The following MYO18B variants were observed in gnomAD, a reference collection of about 807,000 sequenced individuals.
MYO18B encodes unconventional myosin-XVIIIb.
Under a neutral mutation model 273.0 loss-of-function variants are expected in MYO18B, and 204 were observed. The ratio of observed to expected loss-of-function variants is 0.75; its 90% CI spans 0.67 to 0.84. MYO18B has a LOEUF of 0.84. MYO18B is among the 40% of genes least tolerant of loss of function. MYO18B has a pLI of 0.00. For missense variants in MYO18B, 3,212 were observed against 3,287.6 expected (o/e 0.98, Z 0.56); for synonymous variants, 1,330 against 1,305.7 (o/e 1.02, Z -0.40).
chr22:25,907,348 T>C (rs1456023716), intron 31 of MYO18B, among the ~76,000 whole-genome samples: 1 of 152,246 alleles, frequency 6.6e-6, no homozygotes, highest in Non-Finnish European at 1.5e-5. Flanking sequence ...GCATGTGTTT[T>C]GGAGGTTCTT....
chr22:26,021,579 T>C (rs1317530178), intron 42 of MYO18B, among the ~76,000 whole-genome samples: 1 of 152,220 alleles, frequency 6.6e-6, no homozygotes, highest in African/African-American at 2.4e-5. Flanking sequence ...GTGAATACAA[T>C]AGATAAAAAT....
chr22:26,016,186 A>T (rs141279111), intron 42 of MYO18B, among the ~76,000 whole-genome samples: 1 of 152,364 alleles, frequency 6.6e-6, no homozygotes, highest in East Asian at 1.9e-4. Flanking sequence ...TGAATCTACA[A>T]GCCAAGTAGA....
rs2092626274 is a variant in MYO18B at position 25,940,090 on chromosome 22, CAATG to C, written c.5518-6044_5518-6041del. 2.0e-5 allele frequency among the ~76,000 whole-genome samples: 3 copies of C among 152,206 alleles called. No individual in the cohort carries two copies. In the South Asian group the frequency reaches 6.2e-4, roughly 32 times the overall value. ...TACAGCTGTACTCAGCAGTCCTACTCAATGAACGCAAATCATTTTGTCCCCCATT... is the reference window on the plus strand; with the variant it reads ...TACAGCTGTACTCAGCAGTCCTACTCAACGCAAATCATTTTGTCCCCCATT... On this transcript the variant is annotated intron_variant, in intron 34 of 43. Transcript: ENST00000335473.
chr22:26,049,412 T>C, the MYO18B span, among the ~76,000 whole-genome samples: 1 of 152,244 alleles, frequency 6.6e-6, no homozygotes, highest in Admixed American at 6.5e-5. Context: ...ATACTTTTTG[T>C]AACAGCCTAG....
intron 1 of MYO18B, among the ~76,000 whole-genome samples, chr22:25,747,683 G>A (rs1470022086): frequency 6.6e-6 from 1 of 152,210 alleles, no homozygotes; most frequent in African/African-American, 2.4e-5. Context: ...GGCAGGGTGG[G>A]GTGAGGCTAC....
chr22:25,926,815 GA>G (rs1209935908), intron 34 of MYO18B, among the ~76,000 whole-genome samples: 1 of 152,160 alleles, frequency 6.6e-6, no homozygotes, highest in Admixed American at 6.5e-5. Context: ...TTTGTTGTGG[GA>G]AATCAGGGAC....
At chr22:25,861,862 T>C (rs1288178195) in intron 21 of MYO18B, among the ~76,000 whole-genome samples, 3 of 152,192 alleles carry the variant, frequency 2.0e-5, no homozygotes, top group Non-Finnish European at 2.9e-5. Flanking sequence ...TGGGAAAATA[T>C]AGAACCTTTG....
intron 39 of MYO18B, among the ~76,000 whole-genome samples, chr22:25,972,232 G>A (rs2093043189): frequency 6.6e-6 from 1 of 151,788 alleles, no homozygotes; most frequent in East Asian, 1.9e-4. Context: ...ATATACATAG[G>A]AAAAGTGTGA....
rs2092433601 is a variant in MYO18B, at chr22:25,927,190, A to G, written c.5517+5781A>G. On this transcript the variant is annotated intron_variant, in intron 34 of 43. Transcript: ENST00000335473. The stretch of plus-strand genomic sequence containing the variant: ...CAGGATAACAGCAATTGTTCAGGGA[A>G]TAAGAGAGATAACCTTAAACTCTGA... Among the ~76,000 whole-genome samples, 4 of 152,254 alleles carry G rather than the reference A, an allele frequency of 2.6e-5. No homozygotes were observed. In the South Asian group the frequency reaches 6.2e-4, roughly 24 times the overall value.
intron 39 of MYO18B, among the ~76,000 whole-genome samples, chr22:25,988,592 G>A (rs1319048588): frequency 6.6e-6 from 1 of 152,036 alleles, no homozygotes; most frequent in African/African-American, 2.4e-5. Context: ...TCTTTTCTAT[G>A]TAGGATAGTG....
At chr22:25,893,023 C>G (rs1214002968) in intron 27 of MYO18B, among the ~76,000 whole-genome samples, 1 of 152,192 alleles carries the variant, frequency 6.6e-6, no homozygotes, top group Non-Finnish European at 1.5e-5. Flanking sequence ...TATAGGCTCT[C>G]AGCTCTGGAT....
At chr22:25,876,494 C>T (rs897559285) in intron 24 of MYO18B, among the ~76,000 whole-genome samples, 162 bp downstream of exon 24, 3 of 152,154 alleles carry the variant, frequency 2.0e-5, no homozygotes, top group Admixed American at 6.5e-5. Flanking sequence ...CTGCCTCCAA[C>T]AACACAGACA....
chr22:25,821,797 A>G (rs1395713468), intron 12 of MYO18B, among the ~76,000 whole-genome samples: 1 of 152,106 alleles, frequency 6.6e-6, no homozygotes, highest in Non-Finnish European at 1.5e-5. Context: ...GAACAAAACA[A>G]AACAAACAAA....
In MYO18B at chr22:25,828,944, C is replaced by T. The variant is rs1465756028; in HGVS notation, c.2955C>T (p.Val985=). The T allele has an allele frequency of 6.2e-7, 1 of 1,614,006 alleles. No individual in the cohort carries two copies. Among genetic ancestry groups the T allele is most frequent in the South Asian group, 1.1e-5 (1 of 91,078 alleles). ...TGCTGTTCTACCAGCGGACCTTTGT[C>T]TCCACGCTACAGCGATATCAAGAGG... is the stretch of plus-strand genomic sequence containing the variant. ...LQLLFYQRTF[V]STLQRYQEEG... The change falls in exon 15 of 44, where the codon GTC becomes GTT. Residue 985 remains valine, a synonymous_variant. Transcript: ENST00000335473.
chr22:25,776,529 G>A (rs561521938), intron 7 of MYO18B, among the ~76,000 whole-genome samples: 39 of 152,280 alleles, frequency 2.6e-4, no homozygotes, highest in African/African-American at 8.9e-4. Flanking sequence ...CCTGGGAGGT[G>A]GAGGTTGCAG....
At chr22:25,886,012 T>C (rs1030910383) in intron 25 of MYO18B, among the ~76,000 whole-genome samples, 9 of 152,262 alleles carry the variant, frequency 5.9e-5, no homozygotes, top group Non-Finnish European at 1.2e-4. Context: ...CCCGTATTCA[T>C]TGAGTCCTCA....
intron 11 of MYO18B, among the ~76,000 whole-genome samples, chr22:25,793,972 C>T (rs1210944706): frequency 9.2e-5 from 14 of 151,816 alleles, no homozygotes; most frequent in Middle Eastern, 3.4e-3. Flanking sequence ...CTTGCTCTGT[C>T]GCCCAGGCTG....
At chr22:25,850,895 G>A (rs1274274712) in intron 20 of MYO18B, among the ~76,000 whole-genome samples, 1 of 152,150 alleles carries the variant, frequency 6.6e-6, no homozygotes, top group Non-Finnish European at 1.5e-5. Flanking sequence ...TGAATCTAAT[G>A]TCATTTTCTC....
In MYO18B at chr22:25,781,981, G is replaced by C. The variant is rs1601677668; in HGVS notation, c.2312+147G>C. ...CATGGCGTCCGATTCCAGCTGTCTG[G>C]GTACACGCAGCTCATGGGCTGGGTG... On this transcript the variant is annotated intron_variant, in intron 10 of 43. Transcript: ENST00000335473. The C allele has an allele frequency of 5.4e-6, 3 of 550,638 alleles. No homozygotes were observed. In the East Asian group the frequency reaches 9.9e-5, roughly 18 times the overall value. The allele number at this position is 550,638 out of a possible 1,614,324, so 34.1% of individuals were successfully genotyped here.
Sources: gnomAD v4.1 joint callset for allele counts (sites outside exome capture counted in the v4.1 genomes callset) on GRCh38, gnomAD v4.1.1 for gene constraint, MANE v1.5 for transcripts, NCBI Gene and HGNC (gene_info 2026-07-23, HGNC 2026-07-21) for gene names.